KCNQ5: variants seen among roughly 807,000 people sequenced by gnomAD.
The protein encoded by KCNQ5 is potassium voltage-gated channel subfamily Q member 5.
A neutral mutation model predicts 98.2 loss-of-function variants in KCNQ5; 30 were observed. The observed-to-expected ratio is 0.31, with a 90% CI of 0.23 to 0.41. KCNQ5 has a LOEUF of 0.41. Among genes scored for constraint, KCNQ5 ranks in the 10% least tolerant of loss-of-function variants. The pLI is 1.00. For missense variants in KCNQ5, 835 were observed against 1,182.5 expected (o/e 0.71, Z 4.31); for synonymous variants, 458 against 449.4 (o/e 1.02, Z -0.24).
At chr6:72,838,208 T>A (rs760210812) in intron 1 of KCNQ5, among the ~76,000 whole-genome samples, 30 of 148,998 alleles carry the variant, frequency 2.0e-4, no homozygotes, top group Non-Finnish European at 3.4e-4. Context: ...AGGATATCAA[T>A]GTCCGAGACT....
intron 2 of KCNQ5, among the ~76,000 whole-genome samples, chr6:73,021,740 A>G (rs2150339657): frequency 6.6e-6 from 1 of 152,330 alleles, no homozygotes; most frequent in South Asian, 2.1e-4. Flanking sequence ...AGACATTAAA[A>G]TACTCTGGTT....
chr6:73,015,352 C>T (rs1156519652), intron 2 of KCNQ5, among the ~76,000 whole-genome samples: 2 of 152,016 alleles, frequency 1.3e-5, no homozygotes, highest in Non-Finnish European at 2.9e-5. Flanking sequence ...AAGAAAAAAG[C>T]AGGAATAGTT....
intron 1 of KCNQ5, among the ~76,000 whole-genome samples, chr6:72,761,979 C>G (rs900541556): frequency 6.6e-6 from 1 of 151,948 alleles, no homozygotes; most frequent in Non-Finnish European, 1.5e-5. Context: ...GTTGTAGTGG[C>G]TAAGAGGCCT....
At chr6:72,952,620 AT>A (rs1766857087) in intron 1 of KCNQ5, among the ~76,000 whole-genome samples, 1 of 152,182 alleles carries the variant, frequency 6.6e-6, no homozygotes, top group South Asian at 2.1e-4. Context: ...TCTAAACCTA[AT>A]TTCATGTTGT....
chr6:72,722,988 T>G (rs1179518822), intron 1 of KCNQ5, among the ~76,000 whole-genome samples: 2 of 151,694 alleles, frequency 1.3e-5, no homozygotes, highest in African/African-American at 4.8e-5. Flanking sequence ...CAGCTAGGAC[T>G]ACAGGTGTGT....
intron 1 of KCNQ5, among the ~76,000 whole-genome samples, chr6:72,924,456 G>A (rs899087654): frequency 6.6e-6 from 1 of 152,126 alleles, no homozygotes; most frequent in African/African-American, 2.4e-5. Context: ...AGATAAAAGC[G>A]CCTCTTAAGT....
At chr6:72,711,705 C>T (rs750992440) in intron 1 of KCNQ5, among the ~76,000 whole-genome samples, 22 of 152,020 alleles carry the variant, frequency 1.4e-4, no homozygotes, top group Admixed American at 5.2e-4. Context: ...TGATAAATTA[C>T]GCTAGATTTG....
At chr6:73,027,378 A>G (rs180956356) in intron 2 of KCNQ5, among the ~76,000 whole-genome samples, 5 of 152,214 alleles carry the variant, frequency 3.3e-5, no homozygotes, top group South Asian at 2.1e-4. Flanking sequence ...ACGTATTTGC[A>G]TAGTAATTTG....
At chr6:72,880,984 A>G (rs1298225581) in intron 1 of KCNQ5, among the ~76,000 whole-genome samples, 1 of 152,224 alleles carries the variant, frequency 6.6e-6, no homozygotes, top group Non-Finnish European at 1.5e-5. Context: ...AGCAGAGAGG[A>G]TTAAAGATGT....
intron 1 of KCNQ5, among the ~76,000 whole-genome samples, chr6:72,927,681 C>T (rs2150225241): frequency 6.6e-6 from 1 of 152,174 alleles, no homozygotes; most frequent in Non-Finnish European, 1.5e-5. Flanking sequence ...CTCAACCATA[C>T]TCTGTATTTT....
chr6:72,687,600 A>G (rs1472793043), intron 1 of KCNQ5, among the ~76,000 whole-genome samples: 1 of 152,208 alleles, frequency 6.6e-6, no homozygotes, highest in Non-Finnish European at 1.5e-5. Flanking sequence ...TTAAGGAGAT[A>G]AAAAGTGAAA....
At chr6:72,995,725 G>A (rs1360281714) in intron 1 of KCNQ5, among the ~76,000 whole-genome samples, 3 of 152,092 alleles carry the variant, frequency 2.0e-5, no homozygotes, top group Non-Finnish European at 4.4e-5. Context: ...TTCATGCTAG[G>A]AATAAATGAA....
intron 1 of KCNQ5, among the ~76,000 whole-genome samples, chr6:72,669,952 C>T (rs113745544): frequency 1.2e-3 from 165 of 140,006 alleles, no homozygotes; most frequent in African/African-American, 4.0e-3. Context: ...TGAGAAATTT[C>T]CAAATCTCTC....
intron 1 of KCNQ5, among the ~76,000 whole-genome samples, chr6:72,830,091 A>G (rs1776179807): frequency 6.6e-6 from 1 of 152,172 alleles, no homozygotes; most frequent in Admixed American, 6.5e-5. Flanking sequence ...AGAGGACACA[A>G]ACAAATGGAA....
chr6:73,147,291 TATTA>T (rs1379184810), intron 10 of KCNQ5, among the ~76,000 whole-genome samples: 5 of 152,282 alleles, frequency 3.3e-5, no homozygotes, highest in East Asian at 1.9e-4. Context: ...TGTTATTATT[TATTA>T]ATTAATTAAT....
intron 2 of KCNQ5, among the ~76,000 whole-genome samples, chr6:73,033,195 C>T (rs1358765249): frequency 6.6e-6 from 1 of 152,058 alleles, no homozygotes; most frequent in Non-Finnish European, 1.5e-5. Flanking sequence ...ACCTCTTTTC[C>T]CCAAGCAGGG....
At chr6:73,077,519 T>G in intron 4 of KCNQ5, 22 bp downstream of exon 4, 1 of 1,589,044 alleles carries the variant, frequency 6.3e-7, no homozygotes. Context: ...TCTCTGAATT[T>G]AAAAACACAA....
At chr6:73,023,170 A>G (rs902395829) in intron 2 of KCNQ5, among the ~76,000 whole-genome samples, 10 of 152,196 alleles carry the variant, frequency 6.6e-5, no homozygotes, top group African/African-American at 2.4e-4. Context: ...AACTGAATTC[A>G]TAGAACATTC....
intron 6 of KCNQ5, among the ~76,000 whole-genome samples, chr6:73,106,442 A>G (rs368622116): frequency 4.1e-4 from 63 of 152,338 alleles, no homozygotes; most frequent in African/African-American, 1.3e-3. Context: ...TGACTTAAAC[A>G]ATAGAAAGGT....
Sources: gnomAD v4.1 joint callset for allele counts (sites outside exome capture counted in the v4.1 genomes callset) on GRCh38, gnomAD v4.1.1 for gene constraint, MANE v1.5 for transcripts, NCBI Gene and HGNC (gene_info 2026-07-23, HGNC 2026-07-21) for gene names.